Variants in CEP152 observed in about 807,000 individuals in gnomAD.
CEP152 encodes centrosomal protein 152.
CEP152 carries 132 observed loss-of-function variants against 188.9 expected under a neutral mutation model. That is an observed-to-expected ratio of 0.70 (90% CI 0.61 to 0.81). The LOEUF is 0.81. CEP152 is among the 30% of genes least tolerant of loss of function. The pLI is 0.00. For missense variants in CEP152, 1,914 were observed against 1,969.8 expected (o/e 0.97, Z 0.54); for synonymous variants, 649 against 666.6 (o/e 0.97, Z 0.41).
chr15:48,730,075 G>A (rs1892371891), intron 2 of CEP152, among the ~76,000 whole-genome samples: 1 of 152,024 alleles, frequency 6.6e-6, no homozygotes, highest in African/African-American at 2.4e-5. Flanking sequence ...CAACCAAAGG[G>A]AAACAACCAA....
At chr15:48,779,639 G>T (rs77571564) in intron 12 of CEP152, among the ~76,000 whole-genome samples, 2,236 of 152,240 alleles carry the variant, frequency 0.015, 49 homozygotes, top group East Asian at 0.088. Context: ...GCTCAGAAAA[G>T]CTAAGAAATT....
In CEP152 at chr15:48,778,677, C is replaced by T. The variant is rs528004499; in HGVS notation, c.1577+2519G>A. Among the ~76,000 whole-genome samples the T allele has an allele frequency of 2.4e-3, 361 of 152,216 alleles. 1 individual carries two copies. Among genetic ancestry groups the T allele is most frequent in the African/African-American group, 8.1e-3 (337 of 41,528 alleles). On this transcript the variant is annotated intron_variant, in intron 12 of 26. Transcript: ENST00000380950. ...TAAGATGAGTACAGGAGGCCGGGCG[C>T]GGTGGCTGAAGCCTGTAATCCCAGC...
intron 9 of CEP152, among the ~76,000 whole-genome samples, chr15:48,784,543 T>C (rs984693401): frequency 6.6e-6 from 1 of 152,214 alleles, no homozygotes; most frequent in Non-Finnish European, 1.5e-5. Flanking sequence ...AGTAAGGATA[T>C]AGATAAACAC....
Position 48,755,985 on chromosome 15 carries a change from T to C in CEP152, c.3263A>G (p.Glu1088Gly). 6.2e-7 allele frequency: 1 copy of C among 1,614,114 alleles called. No homozygotes were observed. Among genetic ancestry groups the C allele is most frequent in the Non-Finnish European group, 8.5e-7 (1 of 1,179,980 alleles). The stretch of plus-strand genomic sequence containing the variant: ...TTTCTGTATGCAGCCCTTTAGTTTT[T>C]CAAAATATTGCACAGACATCCATTT... Reference protein sequence around the residue: ...SSKWMSVQYFEKLKGCIQKAF... With the variant: ...SSKWMSVQYFGKLKGCIQKAF... Residue 1088 changes from glutamate (E) to glycine (G), a missense_variant, in exon 20 of 27, where the codon GAA becomes GGA. Transcript: ENST00000380950.
intron 12 of CEP152, among the ~76,000 whole-genome samples, chr15:48,775,174 T>A (rs1010059246): frequency 6.6e-6 from 1 of 151,742 alleles, no homozygotes; most frequent in Non-Finnish European, 1.5e-5. Context: ...AAATCTAACA[T>A]ACATGTAACT....
Position 48,793,345 on chromosome 15 carries a change from T to C in CEP152, c.808A>G (p.Asn270Asp). Residue 270 changes from asparagine (N) to aspartate (D), a missense_variant, in exon 7 of 27, where the codon AAT becomes GAT. Transcript: ENST00000380950. ...CCTTTTATTATTACAAGCTGGTGAT[T>C]CAGATATCGAATTTGACGTTCACTT... is the stretch of plus-strand genomic sequence containing the variant. ...NESERQIRYL[N>D]HQLVIIKDEK... 1 of 1,614,002 alleles carries C rather than the reference T, an allele frequency of 6.2e-7. No homozygotes were observed. The highest frequency in any genetic ancestry group is 1.3e-5 in the African/African-American group (1 of 75,044).
chr15:48,741,700 C>G lies in CEP152; in HGVS notation c.3994G>C (p.Glu1332Gln), dbSNP rs754203872. 1.9e-6 allele frequency: 3 copies of G among 1,614,030 alleles called. No individual in the cohort carries two copies. The Admixed American group carries it at 5.0e-5, about 27-fold the overall frequency. ...CTAGCAGCATTCATAATCTTTTTCT[C>G]AGCCCTGTGGGGAATTCCAGAATAT... The part of the protein sequence containing the change: ...ILQDDGKEGA[E>Q]KKIMNAASKL... Residue 1332 changes from glutamate to glutamine, a missense_variant, in exon 26 of 27, where the codon GAG becomes CAG. Coordinates refer to ENST00000380950, the MANE Select transcript of CEP152 (RefSeq NM_001194998.2).
intron 20 of CEP152, 92 bp downstream of exon 20, chr15:48,755,811 A>T: frequency 6.3e-7 from 1 of 1,587,566 alleles, no homozygotes; most frequent in Non-Finnish European, 8.5e-7. Flanking sequence ...TACATCTACT[A>T]AAATTTAAAA....
At chr15:48,734,084 G>C (rs956897250), downstream of CEP152, among the ~76,000 whole-genome samples, 1 of 151,982 alleles carries the variant, frequency 6.6e-6, no homozygotes, top group African/African-American at 2.4e-5. Flanking sequence ...CAGCAGAAAT[G>C]ATTACTACGT....
intron 11 of CEP152, among the ~76,000 whole-genome samples, chr15:48,781,843 T>C (rs946429599): frequency 6.6e-6 from 1 of 152,126 alleles, no homozygotes; most frequent in Non-Finnish European, 1.5e-5. Flanking sequence ...AAATTCAACA[T>C]TCCCCACCCC....
At chr15:48,745,087 T>C in intron 22 of CEP152, 95 bp from the exon 23 acceptor site, 1 of 848,736 alleles carries the variant, frequency 1.2e-6, no homozygotes, top group Non-Finnish European at 1.8e-6. Context: ...TAGAAGAGAC[T>C]GTGCAATTTC....
rs763198129 is a variant in CEP152, at chr15:48,760,243, A to G, written c.2586T>C (p.Ala862=). 7 of 1,614,106 alleles carry G rather than the reference A, an allele frequency of 4.3e-6. No individual in the cohort carries two copies. In the Admixed American group the frequency reaches 1.2e-4, roughly 27 times the overall value. Reference sequence around the variant, plus strand: ...GTAGTTCTCCCAGCCATCGCTGATGAGCATTTTGCACAGCTATTTCTACCT... The same window carrying G: ...GTAGTTCTCCCAGCCATCGCTGATGGGCATTTTGCACAGCTATTTCTACCT... ...TKQVEIAVQN[A]HQRWLGELPE... is the part of the protein sequence containing the mutation. The change falls in exon 19 of 27, where the codon GCT becomes GCC. Residue 862 remains alanine, a synonymous_variant. Coordinates refer to ENST00000380950, the MANE Select transcript of CEP152 (RefSeq NM_001194998.2).
Position 48,801,403 on chromosome 15 carries a change from G to A in CEP152, c.88-3352C>T, listed in dbSNP as rs114973321. Among the ~76,000 whole-genome samples the A allele has an allele frequency of 8.1e-3, 1,231 of 152,290 alleles. 11 individuals are homozygous for A. The highest frequency in any genetic ancestry group is 0.029 in the African/African-American group (1,190 of 41,556). On this transcript the variant is annotated intron_variant, in intron 2 of 26. Transcript: ENST00000380950. ...GGAGCTTTATTATTCTATTAGAGAA[G>A]TACCACTATAAAAACCAAGTCAGTA...
intron 12 of CEP152, chr15:48,773,366 C>T (rs1895686769): frequency 6.5e-6 from 1 of 152,984 alleles, no homozygotes; most frequent in Non-Finnish European, 1.5e-5. Context: ...AAAAGGAAAG[C>T]AAACAAGGTG....
rs974538220 is a variant in CEP152 at position 48,752,602 on chromosome 15, A to G, written c.3346-133T>C. 8 of 1,425,232 alleles carry G rather than the reference A, an allele frequency of 5.6e-6. No individual in the cohort carries two copies. In the Admixed American group the frequency reaches 1.5e-4, roughly 27 times the overall value. 88.3% of individuals were successfully genotyped at this position (1,425,232 alleles called of 1,614,324 possible). ...ATCTTGCCTGAACTATCTATCGCCA[A>G]TATTTTTCTTAGGGTGTTATATAAG... On this transcript the variant is annotated intron_variant, in intron 20 of 26. Coordinates refer to ENST00000380950, the MANE Select transcript of CEP152 (RefSeq NM_001194998.2).
chr15:48,791,600 G>A (rs1896992427), intron 7 of CEP152, among the ~76,000 whole-genome samples: 1 of 152,126 alleles, frequency 6.6e-6, no homozygotes, highest in Non-Finnish European at 1.5e-5. Flanking sequence ...CCAGGCTGGA[G>A]TACAGTGGTA....
chr15:48,750,055 T>C (rs1036773021), intron 21 of CEP152, among the ~76,000 whole-genome samples: 1 of 152,102 alleles, frequency 6.6e-6, no homozygotes, highest in Non-Finnish European at 1.5e-5. Context: ...AATATTCACA[T>C]ACACATATAT....
At chr15:48,731,399 T>C (rs994134714) in intron 2 of CEP152, among the ~76,000 whole-genome samples, 3 of 152,116 alleles carry the variant, frequency 2.0e-5, no homozygotes, top group African/African-American at 7.2e-5. Context: ...TATTTTAAAA[T>C]AGTCACGTTT....
At chr15:48,750,605 C>T (rs1893798203) in intron 21 of CEP152, among the ~76,000 whole-genome samples, 1 of 152,026 alleles carries the variant, frequency 6.6e-6, no homozygotes, top group South Asian at 2.1e-4. Flanking sequence ...ATACCACTAA[C>T]AAGAGAACAG....
Sources: gnomAD v4.1 joint callset for allele counts (sites outside exome capture counted in the v4.1 genomes callset) on GRCh38, gnomAD v4.1.1 for gene constraint, MANE v1.5 for transcripts, NCBI Gene and HGNC (gene_info 2026-07-23, HGNC 2026-07-21) for gene names.